Variants in MAN1C1 observed in about 807,000 individuals in gnomAD.
MAN1C1 encodes mannosidase alpha class 1C member 1.
Under a neutral mutation model 71.5 loss-of-function variants are expected in MAN1C1, and 49 were observed. The ratio of observed to expected loss-of-function variants is 0.69; its 90% CI spans 0.54 to 0.87. MAN1C1 has a LOEUF of 0.87. MAN1C1 is among the 40% of genes least tolerant of loss of function. The probability of loss-of-function intolerance (pLI) is 0.00; values close to 1 mark genes in which losing one functional copy is unlikely to be tolerated. For synonymous variants in MAN1C1, 352 were observed against 343.7 expected (o/e 1.02, Z -0.27); for missense variants, 743 against 835.0 (o/e 0.89, Z 1.36).
chr1:25,741,081 T>C (rs1035917857), intron 2 of MAN1C1, among the ~76,000 whole-genome samples: 1 of 152,006 alleles, frequency 6.6e-6, no homozygotes, highest in African/African-American at 2.4e-5. Flanking sequence ...AGGCATGGGA[T>C]TGGCTTTCAG....
chr1:25,768,830 A>ACACACAC (rs1196643593), intron 7 of MAN1C1, among the ~76,000 whole-genome samples: 1 of 142,528 alleles, frequency 7.0e-6, no homozygotes, highest in Non-Finnish European at 1.5e-5. Flanking sequence ...CACTCCCCTC[A>ACACACAC]CACACACCAC....
rs145890768 is a variant in MAN1C1, at chr1:25,765,913, G to A, written c.1141+1946G>A. ...CCAAAACACACTGCCGAATCCAAAAGTACGGGGAGAAAATGAAGCTTGAAT... is the reference window on the plus strand; with the variant it reads ...CCAAAACACACTGCCGAATCCAAAAATACGGGGAGAAAATGAAGCTTGAAT... On this transcript the variant is annotated intron_variant, in intron 7 of 11. Transcript: ENST00000374332. Among the ~76,000 whole-genome samples, 106 of 152,316 alleles carry A rather than the reference G, an allele frequency of 7.0e-4. No homozygotes were observed. In the East Asian group the frequency reaches 0.018, roughly 26 times the overall value.
intron 7 of MAN1C1, among the ~76,000 whole-genome samples, chr1:25,768,246 AT>A (rs1347882909): frequency 8.3e-5 from 3 of 36,124 alleles, no homozygotes; most frequent in Non-Finnish European, 1.0e-4. Context: ...CCTCACACAC[AT>A]CCACACTCCC....
intron 1 of MAN1C1, among the ~76,000 whole-genome samples, chr1:25,676,077 G>A (rs1442971720): frequency 6.6e-6 from 1 of 152,156 alleles, no homozygotes; most frequent in African/African-American, 2.4e-5. Flanking sequence ...CCTGGTCCCT[G>A]GAGCACTTTG....
rs74060833 is a variant in MAN1C1 at position 25,781,455 on chromosome 1, C to T, written c.1650+343C>T. Among the ~76,000 whole-genome samples the T allele has an allele frequency of 1.9e-3, 287 of 152,276 alleles. 2 individuals are homozygous for T. The highest frequency in any genetic ancestry group is 6.0e-3 in the African/African-American group (251 of 41,560). Reference sequence around the variant, plus strand: ...ACGCGGCCACCGCTGTCCCAACAGACGCTTTCCTGATCTCGAAGCTGGGCA... The same window carrying T: ...ACGCGGCCACCGCTGTCCCAACAGATGCTTTCCTGATCTCGAAGCTGGGCA... On this transcript the variant is annotated intron_variant, in intron 10 of 11. Coordinates refer to ENST00000374332, the MANE Select transcript of MAN1C1 (RefSeq NM_020379.4).
At chr1:25,681,274 C>T (rs2046149319) in intron 1 of MAN1C1, among the ~76,000 whole-genome samples, 2 of 150,988 alleles carry the variant, frequency 1.3e-5, no homozygotes, top group South Asian at 2.1e-4. Flanking sequence ...AGAAAGGTTA[C>T]AGAGCAAAAT....
At chr1:25,745,571 C>G (rs970547806) in intron 2 of MAN1C1, among the ~76,000 whole-genome samples, 1 of 152,112 alleles carries the variant, frequency 6.6e-6, no homozygotes, top group African/African-American at 2.4e-5. Context: ...GGATGTCTCC[C>G]CAGGTAAATA....
intron 6 of MAN1C1, chr1:25,759,633 G>A (rs557798257): frequency 3.4e-4 from 52 of 152,248 alleles, no homozygotes; most frequent in African/African-American, 1.1e-3. Flanking sequence ...GTATCATGTC[G>A]CCATCCAGCC....
At chr1:25,675,849 G>C (rs1209051727) in intron 1 of MAN1C1, among the ~76,000 whole-genome samples, 1 of 152,148 alleles carries the variant, frequency 6.6e-6, no homozygotes, top group Non-Finnish European at 1.5e-5. Flanking sequence ...AAGTATTTCT[G>C]TCCTTTTACA....
rs72875686 is a variant in MAN1C1 at position 25,746,043 on chromosome 1, C to T, written c.638-625C>T. ...GCTGGATGAGGTGGCTCACGGCTCA[C>T]GCCTGTAATCCAGCACTTTGGGAGG... is the stretch of plus-strand genomic sequence containing the variant. On this transcript the variant is annotated intron_variant, in intron 2 of 11. Coordinates refer to ENST00000374332, the MANE Select transcript of MAN1C1 (RefSeq NM_020379.4). The surrounding 1 kb of genome is among the most constrained non-coding windows in gnomAD (Gnocchi z 4.0). Among the ~76,000 whole-genome samples the T allele has an allele frequency of 0.023, 3,439 of 152,050 alleles. 125 individuals are homozygous for T. The highest frequency in any genetic ancestry group is 0.078 in the African/African-American group (3,228 of 41,454).
chr1:25,772,415 C>T (rs1296267692), intron 8 of MAN1C1: 1 of 152,566 alleles, frequency 6.6e-6, no homozygotes, highest in Non-Finnish European at 1.5e-5. Context: ...TGAGTCCTTC[C>T]AAAGAGGAGA....
At chr1:25,661,433 G>T (rs2045847309) in intron 1 of MAN1C1, among the ~76,000 whole-genome samples, 1 of 152,220 alleles carries the variant, frequency 6.6e-6, no homozygotes, top group Admixed American at 6.5e-5. Flanking sequence ...TATGTTAACG[G>T]CATGGTATGC....
intron 1 of MAN1C1, among the ~76,000 whole-genome samples, chr1:25,661,524 T>G (rs2045849026): frequency 1.3e-5 from 2 of 152,222 alleles, no homozygotes; most frequent in Non-Finnish European, 2.9e-5. Context: ...GGGTGAGTTC[T>G]GCCTCCATTG....
rs146395864 is a variant in MAN1C1, at chr1:25,634,882, A to G, written c.540+16545A>G. 9.9e-5 allele frequency among the ~76,000 whole-genome samples: 15 copies of G among 152,260 alleles called. No individual in the cohort carries two copies. The East Asian group carries it at 2.9e-3, about 29-fold the overall frequency. On this transcript the variant is annotated intron_variant, in intron 1 of 11. Transcript: ENST00000374332. The surrounding 1 kb of genome is among the most constrained non-coding windows in gnomAD (Gnocchi z 4.6). ...AAATCAAACTTGCATTTGATCTTCT[A>G]ATATTTTTGTTAAGGATTTTTGCAT...
In MAN1C1 at chr1:25,634,428, G is replaced by A. The variant is rs1189904873; in HGVS notation, c.540+16091G>A. Among the ~76,000 whole-genome samples the A allele has an allele frequency of 1.3e-5, 2 of 152,174 alleles. No individual in the cohort carries two copies. Among genetic ancestry groups the A allele is most frequent in the Admixed American group, 1.3e-4 (2 of 15,280 alleles). ...TCCTAGTTTGCTGAGGTTTTTATCT[G>A]TATTGGGATTAAATTTTGTCACATG... On this transcript the variant is annotated intron_variant, in intron 1 of 11. Transcript: ENST00000374332. The surrounding 1 kb of genome is among the most constrained non-coding windows in gnomAD (Gnocchi z 4.6).
chr1:25,636,862 C>T (rs1203593105), intron 1 of MAN1C1, among the ~76,000 whole-genome samples: 1 of 152,148 alleles, frequency 6.6e-6, no homozygotes, highest in Admixed American at 6.5e-5. Context: ...CCCTGACTTC[C>T]CACAACACTC....
intron 2 of MAN1C1, among the ~76,000 whole-genome samples, chr1:25,715,918 G>A (rs936452141): frequency 3.3e-5 from 5 of 152,066 alleles, no homozygotes; most frequent in Non-Finnish European, 7.4e-5. Context: ...CTGGAGTAGC[G>A]ACCCCACCAT....
rs1216834138 is a variant in MAN1C1, at chr1:25,681,377, C to T, written c.541-5063C>T. Reference sequence around the variant, plus strand: ...CCAGTGAAGATGTGTAAGGTGTTATCGACCAGGGAAGCTCTTTAGAGACTC... The same window carrying T: ...CCAGTGAAGATGTGTAAGGTGTTATTGACCAGGGAAGCTCTTTAGAGACTC... On this transcript the variant is annotated intron_variant, in intron 1 of 11. Transcript: ENST00000374332. Among the ~76,000 whole-genome samples, 6 of 152,288 alleles carry T rather than the reference C, an allele frequency of 3.9e-5. No individual in the cohort carries two copies. The East Asian group carries it at 9.6e-4, about 24-fold the overall frequency.
At position 25,634,949 on chromosome 1, in the gene MAN1C1, T is replaced by C. The variant is rs1178702608; in HGVS notation, c.540+16612T>C. ...TATTGGTCTATAGTTTTTTTTTTTGTAAATCCTTTGTCTGGTTTTTGGTGT... is the reference window on the plus strand; with the variant it reads ...TATTGGTCTATAGTTTTTTTTTTTGCAAATCCTTTGTCTGGTTTTTGGTGT... On this transcript the variant is annotated intron_variant, in intron 1 of 11. Transcript: ENST00000374332. This position sits in a 1 kb window ranked among gnomAD's most constrained non-coding sequence, Gnocchi z 4.6. Among the ~76,000 whole-genome samples the C allele has an allele frequency of 6.6e-6, 1 of 152,080 alleles. No homozygotes were observed. Among genetic ancestry groups the C allele is most frequent in the Non-Finnish European group, 1.5e-5 (1 of 68,008 alleles).
Sources: gnomAD v4.1 joint callset for allele counts (sites outside exome capture counted in the v4.1 genomes callset) on GRCh38, gnomAD v4.1.1 for gene constraint, Gnocchi (gnomAD v3.1) non-coding constraint, MANE v1.5 for transcripts, NCBI Gene and HGNC (gene_info 2026-07-23, HGNC 2026-07-21) for gene names.